Variants in ARPC1A observed in about 807,000 individuals in gnomAD.
The protein encoded by ARPC1A is actin-related protein 2/3 complex subunit 1A.
A neutral mutation model predicts 46.9 loss-of-function variants in ARPC1A; 8 were observed. The ratio of observed to expected loss-of-function variants is 0.17; its 90% CI spans 0.10 to 0.31. The LOEUF is 0.31. ARPC1A is among the 10% of genes least tolerant of loss of function. The probability of loss-of-function intolerance (pLI) is 1.00; values close to 1 mark genes in which losing one functional copy is unlikely to be tolerated. For synonymous variants in ARPC1A, 152 were observed against 169.0 expected, an observed-to-expected ratio of 0.90 and a Z score of 0.78; for missense variants, 286 against 483.6, an observed-to-expected ratio of 0.59 and a Z score of 3.83.
intron 9 of ARPC1A, among the ~76,000 whole-genome samples, chr7:99,364,270 T>A (rs56937678): frequency 1.9e-5 from 2 of 103,132 alleles, no homozygotes; most frequent in Admixed American, 1.9e-4. Context: ...ATCTCTCTCT[T>A]TTTTTTTTTT....
At chr7:99,343,500 C>A (rs1177438219) in intron 3 of ARPC1A, among the ~76,000 whole-genome samples, 1 of 151,170 alleles carries the variant, frequency 6.6e-6, no homozygotes, top group Non-Finnish European at 1.5e-5. Context: ...AAAGAAAATA[C>A]CTCATCAATA....
At chr7:99,360,982 G>T (rs1288970829) in intron 8 of ARPC1A, among the ~76,000 whole-genome samples, 1 of 149,650 alleles carries the variant, frequency 6.7e-6, no homozygotes, top group Non-Finnish European at 1.5e-5. Context: ...AGAAATATAT[G>T]CTTGATATTC....
Position 99,344,476 on chromosome 7 carries a change from G to A in ARPC1A, c.353G>A (p.Arg118Gln), listed in dbSNP as rs370232879. 2.5e-6 allele frequency: 4 copies of A among 1,613,922 alleles called. No homozygotes were observed. The highest frequency in any genetic ancestry group is 1.3e-5 in the African/African-American group (1 of 75,014). Residue 118 changes from arginine to glutamine, a missense_variant, in exon 4 of 10, where the codon CGA becomes CAA. By Grantham distance (43) the Arg-to-Gln change is conservative (BLOSUM62 1). Around this residue, in one of 5 missense-constraint regions of ARPC1A, gnomAD observed 38 missense variants for 95.8 expected, o/e 0.40. Coordinates refer to ENST00000262942, the MANE Select transcript of ARPC1A (RefSeq NM_006409.4). Reference protein sequence around the residue: ...ENKFAVGSGARLISVCYFESE... With the variant: ...ENKFAVGSGAQLISVCYFESE... ...AAATTTGCTGTGGGAAGTGGAGCAC[G>A]ACTCATTTCTGTTTGTTACTTTGAG...
chr7:99,348,622 C>T (rs1028680447), intron 4 of ARPC1A, among the ~76,000 whole-genome samples: 2 of 152,094 alleles, frequency 1.3e-5, no homozygotes, highest in African/African-American at 4.8e-5. Context: ...GCCTGGTGAC[C>T]GACAGAAGAA....
chr7:99,333,394 A>T lies in ARPC1A; in HGVS notation c.41A>T (p.His14Leu). Residue 14 changes from histidine (H) to leucine (L), a missense_variant, in exon 2 of 10, where the codon CAT (histidine) becomes CTT (leucine). Physicochemically the swap from His to Leu is moderately conservative, Grantham distance 99 (BLOSUM62 -3). Coordinates refer to ENST00000262942, the MANE Select transcript of ARPC1A (RefSeq NM_006409.4). ...HQFLLEPITC[H>L]AWNRDRTQIA... ...TTTTTACTAGAGCCAATCACCTGTC[A>T]TGCCTGGAACAGGGATCGTACTCGT... 6.2e-7 allele frequency: 1 copy of T among 1,613,834 alleles called. No individual in the cohort carries two copies. The highest frequency in any genetic ancestry group is 8.5e-7 in the Non-Finnish European group (1 of 1,179,842).
chr7:99,365,897 G>C lies in ARPC1A; in HGVS notation c.1081G>C (p.Glu361Gln), dbSNP rs984482950. Residue 361 changes from glutamate to glutamine, a missense_variant, in exon 10 of 10, where the codon GAG (glutamate) becomes CAG (glutamine). Glu to Gln is a conservative substitution (Grantham distance 29). Coordinates refer to ENST00000262942, the MANE Select transcript of ARPC1A (RefSeq NM_006409.4). Reference sequence around the variant, plus strand: ...TCTTCCCACCTTTTCCAAGACCCTCGAGTCTTCCATCCAGGGCCTCCGGAT... The same window carrying C: ...TCTTCCCACCTTTTCCAAGACCCTCCAGTCTTCCATCCAGGGCCTCCGGAT... ...AMTIWDFKTL[E>Q]SSIQGLRIM 6.3e-7 allele frequency: 1 copy of C among 1,575,040 alleles called. No individual in the cohort carries two copies. Among genetic ancestry groups the C allele is most frequent in the Admixed American group, 1.8e-5 (1 of 54,702 alleles).
intron 3 of ARPC1A, among the ~76,000 whole-genome samples, chr7:99,342,546 A>G (rs2060061798): frequency 6.7e-6 from 1 of 150,196 alleles, no homozygotes; most frequent in African/African-American, 2.4e-5. Context: ...CCCTGTCTCA[A>G]AAAAAAAAAT....
intron 4 of ARPC1A, among the ~76,000 whole-genome samples, chr7:99,348,254 C>T (rs1204426275): frequency 6.6e-6 from 1 of 152,142 alleles, no homozygotes; most frequent in Admixed American, 6.6e-5. Context: ...CAGAGGTTAA[C>T]GTCCTATGTA....
intron 2 of ARPC1A, 60 bp downstream of exon 2, chr7:99,333,477 G>T: frequency 6.9e-7 from 1 of 1,450,836 alleles, no homozygotes; most frequent in South Asian, 1.2e-5. Flanking sequence ...TTCATCTTTA[G>T]ACACATTTAG....
chr7:99,330,292 G>C (rs565803472), intron 1 of ARPC1A, among the ~76,000 whole-genome samples: 1 of 151,792 alleles, frequency 6.6e-6, no homozygotes, highest in African/African-American at 2.4e-5. Context: ...ACTTACCTTT[G>C]GGTTCCCCCC....
intron 7 of ARPC1A, 179 bp downstream of exon 7, chr7:99,358,594 T>C: frequency 1.8e-6 from 1 of 563,466 alleles, no homozygotes; most frequent in South Asian, 2.1e-5. Context: ...CAGGCTGGAG[T>C]GCAATGGGTG....
intron 5 of ARPC1A, among the ~76,000 whole-genome samples, chr7:99,351,470 C>A (rs546962242): frequency 6.6e-6 from 1 of 152,048 alleles, no homozygotes; most frequent in East Asian, 1.9e-4. Flanking sequence ...CCACCTGCCT[C>A]GGCCTCCCAA....
intron 3 of ARPC1A, among the ~76,000 whole-genome samples, chr7:99,340,299 A>G (rs138319361): frequency 0.011 from 1,708 of 152,172 alleles, 28 homozygotes; most frequent in African/African-American, 0.039. Flanking sequence ...AGTTGCTGGG[A>G]TTACAGGTGC....
chr7:99,338,645 A>G (rs183082160), intron 3 of ARPC1A, among the ~76,000 whole-genome samples: 8 of 152,084 alleles, frequency 5.3e-5, no homozygotes, highest in East Asian at 1.9e-4. Context: ...CGGCCTCCCA[A>G]TGTGCTGGGA....
At chr7:99,363,233 G>C (rs1239161142) in intron 8 of ARPC1A, among the ~76,000 whole-genome samples, 2 of 152,096 alleles carry the variant, frequency 1.3e-5, no homozygotes, top group African/African-American at 4.8e-5. Context: ...TTCTGAGCCA[G>C]ATTGTTGCAG....
intron 1 of ARPC1A, among the ~76,000 whole-genome samples, chr7:99,330,568 G>A (rs1171802481): frequency 6.6e-6 from 1 of 152,168 alleles, no homozygotes; most frequent in African/African-American, 2.4e-5. Flanking sequence ...GCCCACCTCG[G>A]CCTCCCAAAG....
chr7:99,340,219 G>A (rs1026655026), intron 3 of ARPC1A, among the ~76,000 whole-genome samples: 1 of 152,056 alleles, frequency 6.6e-6, no homozygotes, highest in East Asian at 1.9e-4. Flanking sequence ...CTGAAATGGA[G>A]TGGTACAGTC....
chr7:99,364,131 T>A (rs1793787377), intron 9 of ARPC1A, among the ~76,000 whole-genome samples: 2 of 151,846 alleles, frequency 1.3e-5, no homozygotes, highest in African/African-American at 4.8e-5. Flanking sequence ...TGTTTTGTAT[T>A]TTTAGTACAG....
intron 8 of ARPC1A, 152 bp downstream of exon 8, chr7:99,359,890 C>A: frequency 1.1e-6 from 1 of 890,310 alleles, no homozygotes; most frequent in Non-Finnish European, 1.7e-6. Context: ...TCTTCCCGAC[C>A]GCCAGGCTCT....
Sources: gnomAD v4.1 joint callset for allele counts (sites outside exome capture counted in the v4.1 genomes callset) on GRCh38, gnomAD v4.1.1 for gene constraint, gnomAD v4.1.1 regional missense constraint, MANE v1.5 for transcripts, NCBI Gene and HGNC (gene_info 2026-07-23, HGNC 2026-07-21) for gene names.